The following RNF103 variants were observed in gnomAD, a reference collection of about 807,000 sequenced individuals.
RNF103 encodes E3 ubiquitin-protein ligase RNF103.
In RNF103, 23 loss-of-function variants were observed where a neutral mutation model predicts 66.2. That is an observed-to-expected ratio of 0.35 (90% CI 0.25 to 0.49). The LOEUF (loss-of-function observed/expected upper bound fraction) is 0.49, where lower values mean the gene tolerates loss of function less well. Ranked by LOEUF, RNF103 falls within the 20% of genes least tolerant of loss-of-function variation. RNF103 has a pLI of 0.98. For missense variants in RNF103, 730 were observed against 814.7 expected (o/e 0.90, Z 1.27); for synonymous variants, 297 against 289.9 (o/e 1.02, Z -0.25).
At chr2:86,621,797 T>A (rs562952212) in intron 1 of RNF103, among the ~76,000 whole-genome samples, 183 of 152,342 alleles carry the variant, frequency 1.2e-3, no homozygotes, top group Middle Eastern at 6.8e-3. Context: ...TTTCTCAAAT[T>A]ACATTCCACT....
At position 86,604,140 on chromosome 2, in the gene RNF103, T is replaced by G. The variant is rs1330433032; in HGVS notation, c.1761A>C (p.Pro587=). The G allele has an allele frequency of 1.8e-5, 29 of 1,613,300 alleles. No homozygotes were observed. The Admixed American group carries it at 4.7e-4, about 26-fold the overall frequency. The change falls in exon 4 of 4, where the codon CCA becomes CCC. Residue 587 remains proline, a synonymous_variant. Coordinates refer to ENST00000237455, the MANE Select transcript of RNF103 (RefSeq NM_005667.4). ...CATATGACCTCCCCTTCCTTTCACA[T>G]GGGCTGGTCTGACAATATTTATTGG... The part of the protein sequence containing the change: ...SCANKYCQTS[P]CERKGRSYGS...
chr2:86,608,137 C>T (rs928164720), intron 3 of RNF103, among the ~76,000 whole-genome samples: 2 of 151,928 alleles, frequency 1.3e-5, no homozygotes, highest in Non-Finnish European at 1.5e-5. Flanking sequence ...AGACTAAAAA[C>T]GATAGGAAAT....
chr2:86,614,704 C>T, intron 2 of RNF103: 1 of 669,290 alleles, frequency 1.5e-6, no homozygotes, highest in Non-Finnish European at 1.7e-6. Context: ...ATTTTTATTG[C>T]TACCACTCAA....
rs1679312746 is a variant in RNF103 at position 86,623,363 on chromosome 2, C to T, written c.-477G>A. 2.0e-6 allele frequency: 2 copies of T among 982,244 alleles called. No individual in the cohort carries two copies. The highest frequency in any genetic ancestry group is 2.4e-6 in the Non-Finnish European group (2 of 828,402). 60.8% of individuals were successfully genotyped at this position (982,244 alleles called of 1,614,324 possible). A position where few individuals can be genotyped will look rare whatever the true frequency, so the allele number is the denominator to read the frequency against. ...GGGATCCGGGCGGCAGGCCGGGGCC[C>T]GAGGGGCCGTGGGGGCCGGACTCCC... On this transcript the variant is annotated 5_prime_UTR_variant, in exon 1 of 4. Coordinates refer to ENST00000237455, the MANE Select transcript of RNF103 (RefSeq NM_005667.4).
In RNF103 at chr2:86,603,485, A is replaced by G. The variant is rs1678421993; in HGVS notation, c.*358T>C. On this transcript the variant is annotated 3_prime_UTR_variant, in exon 4 of 4. Coordinates refer to ENST00000237455, the MANE Select transcript of RNF103 (RefSeq NM_005667.4). ...TATTTAACCAAGAGGTGCTGGACAG[A>G]GATTGTAAAAAGGGAGGAAACATTT... 4.6e-6 allele frequency: 1 copy of G among 216,398 alleles called. No homozygotes were observed. Among genetic ancestry groups the G allele is most frequent in the Non-Finnish European group, 9.1e-6 (1 of 109,628 alleles). 13.4% of individuals were successfully genotyped at this position (216,398 alleles called of 1,614,324 possible). A position where few individuals can be genotyped will look rare whatever the true frequency, so the allele number is the denominator to read the frequency against.
In RNF103 at chr2:86,605,394, G is replaced by A. The variant is rs1283464991; in HGVS notation, c.507C>T (p.Val169=). The A allele has an allele frequency of 1.2e-6, 2 of 1,610,160 alleles. No homozygotes were observed. Among genetic ancestry groups the A allele is most frequent in the South Asian group, 1.1e-5 (1 of 90,554 alleles). Residue 169 remains valine, a synonymous_variant, in exon 4 of 4, where the codon GTC becomes GTT. Transcript: ENST00000237455. ...GAACAGACATAATGAGTGTGGATCG[G>A]ACCCAGCCTCTTCTCCTGCAATATC... ...DPRYCRRRGW[V]RSTLIMSVPQ...
chr2:86,617,198 G>A, intron 2 of RNF103: 1 of 984,678 alleles, frequency 1.0e-6, no homozygotes, highest in Non-Finnish European at 1.2e-6. Context: ...ACATGGACCT[G>A]GAAAAGCTTA....
At chr2:86,617,202 A>C in intron 2 of RNF103, 1 of 984,770 alleles carries the variant, frequency 1.0e-6, no homozygotes, top group South Asian at 4.7e-5. Flanking sequence ...GGACCTGGAA[A>C]AGCTTAAAAA....
At chr2:86,613,999 T>C (rs1397176063) in intron 2 of RNF103, 1 of 152,194 alleles carries the variant, frequency 6.6e-6, no homozygotes, top group African/African-American at 2.4e-5. Flanking sequence ...GGCTCAATCA[T>C]GGCTCACTGC....
At chr2:86,608,944 T>C (rs892063392) in intron 3 of RNF103, among the ~76,000 whole-genome samples, 6 of 152,166 alleles carry the variant, frequency 3.9e-5, no homozygotes, top group African/African-American at 1.4e-4. Flanking sequence ...AGTCAGAAGT[T>C]GCTCAGAAGT....
chr2:86,615,520 T>TTATATATATATATATATATA lies in RNF103; in HGVS notation c.367-3247_367-3246insTATATATATATATATATATA, dbSNP rs4019180. ...CCTAATATATATATATACATATGCC[T>TTATATATATATATATATATA]TATATATATATATATATAATATATA... On this transcript the variant is annotated intron_variant, in intron 2 of 3. Coordinates refer to ENST00000237455, the MANE Select transcript of RNF103 (RefSeq NM_005667.4). Among the ~76,000 whole-genome samples, 307 of 142,244 alleles carry TTATATATATATATATATATA rather than the reference T, an allele frequency of 2.2e-3. 2 individuals are homozygous for TTATATATATATATATATATA. Among genetic ancestry groups the TTATATATATATATATATATA allele is most frequent in the East Asian group, 0.012 (58 of 4,750 alleles). 93.3% of individuals were successfully genotyped at this position (142,244 alleles called of 152,430 possible).
In RNF103 at chr2:86,604,253, C is replaced by G. The variant is rs1678456484; in HGVS notation, c.1648G>C (p.Glu550Gln). The stretch of plus-strand genomic sequence containing the variant: ...TGCTTATCTTCAAATACTTCCTTCT[C>G]ACTACTCAAAGTGTCTGTGTTCTCA... Reference protein sequence around the residue: ...ESENTDTLSSEKEVFEDKQSV... With the variant: ...ESENTDTLSSQKEVFEDKQSV... Residue 550 changes from glutamate to glutamine, a missense_variant, in exon 4 of 4, where the codon GAG (glutamate) becomes CAG (glutamine). Glu to Gln is a conservative substitution (Grantham distance 29). This residue lies in a region of RNF103 where 355 missense variants were observed against 351.9 expected (regional missense o/e 1.01). Transcript: ENST00000237455. 1 of 1,614,074 alleles carries G rather than the reference C, an allele frequency of 6.2e-7. No individual in the cohort carries two copies. The highest frequency in any genetic ancestry group is 8.5e-7 in the Non-Finnish European group (1 of 1,180,048).
At chr2:86,620,182 A>T (rs1309624998) in intron 2 of RNF103, 148 bp downstream of exon 2, 1 of 1,034,516 alleles carries the variant, frequency 9.7e-7, no homozygotes, top group Non-Finnish European at 1.2e-6. Context: ...CTTTTTAAGA[A>T]GATACTGGAG....
intron 2 of RNF103, among the ~76,000 whole-genome samples, chr2:86,619,523 T>C (rs906948743): frequency 5.9e-5 from 9 of 152,224 alleles, no homozygotes; most frequent in African/African-American, 2.2e-4. Flanking sequence ...CAGACTACAT[T>C]AATAATTTTA....
At chr2:86,615,520 T>G (rs573451512) in intron 2 of RNF103, among the ~76,000 whole-genome samples, 58 of 142,310 alleles carry the variant, frequency 4.1e-4, no homozygotes, top group Non-Finnish European at 6.4e-4. Flanking sequence ...TACATATGCC[T>G]TATATATATA....
intron 1 of RNF103, 86 bp downstream of exon 1, chr2:86,622,575 A>G (rs1679271489): frequency 7.4e-7 from 1 of 1,350,954 alleles, no homozygotes; most frequent in Admixed American, 1.8e-5. Context: ...GAAAGGCCTC[A>G]CTCTGGGGGA....
intron 3 of RNF103, among the ~76,000 whole-genome samples, chr2:86,606,100 C>A (rs1678534065): frequency 6.6e-6 from 1 of 152,150 alleles, no homozygotes; most frequent in Non-Finnish European, 1.5e-5. Context: ...TCTCTTATTT[C>A]TTCAGTGAAG....
intron 2 of RNF103, 63 bp from the exon 3 acceptor site, chr2:86,612,337 TACATCAAC>T: frequency 1.2e-6 from 1 of 834,406 alleles, no homozygotes; most frequent in Non-Finnish European, 2.0e-6. Flanking sequence ...GCCAACCGTT[TACATCAAC>T]AATATAATTT....
chr2:86,616,653 A>ATG, intron 2 of RNF103: 2 of 985,288 alleles, frequency 2.0e-6, no homozygotes, highest in Non-Finnish European at 2.4e-6. Context: ...AAATATATTG[A>ATG]TGTAATACTT....
Sources: gnomAD v4.1 joint callset for allele counts (sites outside exome capture counted in the v4.1 genomes callset) on GRCh38, gnomAD v4.1.1 for gene constraint, gnomAD v4.1.1 regional missense constraint, MANE v1.5 for transcripts, NCBI Gene and HGNC (gene_info 2026-07-23, HGNC 2026-07-21) for gene names.